Variants in HTR4 observed in about 807,000 individuals in gnomAD.
HTR4 encodes the protein 5-hydroxytryptamine receptor 4.
In HTR4, 16 loss-of-function variants were observed where a neutral mutation model predicts 36.8. The ratio of observed to expected loss-of-function variants is 0.43; its 90% CI spans 0.29 to 0.66. HTR4 has a LOEUF of 0.66. Among genes scored for constraint, HTR4 ranks in the 30% least tolerant of loss-of-function variants. HTR4 has a pLI of 0.13. For missense variants in HTR4, 438 were observed against 490.9 expected (o/e 0.89, Z 1.02); for synonymous variants, 189 against 185.1 (o/e 1.02, Z -0.17).
chr5:148,653,272 G>A (rs2095477031), intron 1 of HTR4, among the ~76,000 whole-genome samples: 1 of 152,160 alleles, frequency 6.6e-6, no homozygotes, highest in African/African-American at 2.4e-5. Context: ...TGGACCAAAT[G>A]GAAATCAAGC....
intron 6 of HTR4, chr5:148,484,319 C>G (rs757383708): frequency 1.9e-6 from 3 of 1,613,056 alleles, no homozygotes; most frequent in Non-Finnish European, 1.7e-6. Flanking sequence ...AGAATGGACC[C>G]GCTCTGGCAG....
chr5:148,597,245 C>T (rs904106131), intron 2 of HTR4, among the ~76,000 whole-genome samples: 1 of 152,148 alleles, frequency 6.6e-6, no homozygotes, highest in Non-Finnish European at 1.5e-5. Context: ...ACATGAACCT[C>T]TTATGTATAG....
At chr5:148,570,779 G>A (rs1760642677) in intron 2 of HTR4, among the ~76,000 whole-genome samples, 1 of 152,034 alleles carries the variant, frequency 6.6e-6, no homozygotes, top group African/African-American at 2.4e-5. Flanking sequence ...TGACCTATCT[G>A]GTGTATAAAA....
In HTR4 at chr5:148,509,819, C is replaced by T; in HGVS notation, c.713G>A (p.Ser238Asn). The T allele has an allele frequency of 6.2e-7, 1 of 1,614,008 alleles. No homozygotes were observed. Residue 238 changes from serine (S) to asparagine (N), a missense_variant, in exon 6 of 7, where the codon AGC becomes AAC. By Grantham distance (46) the Ser-to-Asn change is conservative (BLOSUM62 1). Transcript: ENST00000377888. ...MLQRAGASSE[S>N]RPQSADQHST... ...ATGCTGGTCTGCCGACTGAGGCCTG[C>T]TCTCGGAGGAGGCTCCTGCCCGTTG...
chr5:148,616,662 A>G (rs1752703007), intron 2 of HTR4, among the ~76,000 whole-genome samples: 1 of 152,230 alleles, frequency 6.6e-6, no homozygotes, highest in Non-Finnish European at 1.5e-5. Flanking sequence ...GAACATTAGT[A>G]TCTGTGTTCA....
intron 4 of HTR4, among the ~76,000 whole-genome samples, chr5:148,526,774 C>T (rs1758297179): frequency 6.6e-6 from 1 of 151,950 alleles, no homozygotes; most frequent in Admixed American, 6.6e-5. Flanking sequence ...AAGCCAGGCA[C>T]AGAAGGACAA....
chr5:148,634,075 A>G (rs1431773580), intron 2 of HTR4, among the ~76,000 whole-genome samples: 1 of 152,212 alleles, frequency 6.6e-6, no homozygotes, highest in Non-Finnish European at 1.5e-5. Flanking sequence ...GTATGGCCGG[A>G]CAAAACACTT....
intron 2 of HTR4, among the ~76,000 whole-genome samples, chr5:148,621,359 C>T (rs1012845261): frequency 2.0e-5 from 3 of 152,208 alleles, no homozygotes; most frequent in Non-Finnish European, 2.9e-5. Context: ...GGATTCTACT[C>T]TCTTAGCTGT....
intron 1 of HTR4, among the ~76,000 whole-genome samples, chr5:148,638,626 G>A (rs1006613186): frequency 5.3e-5 from 8 of 151,962 alleles, no homozygotes; most frequent in African/African-American, 1.7e-4. Context: ...TCTCATCTCC[G>A]ACACAAAAAC....
Position 148,515,149 on chromosome 5 carries a change from C to T in HTR4, c.508-5125G>A, listed in dbSNP as rs574971538. Among the ~76,000 whole-genome samples, 3 of 152,154 alleles carry T rather than the reference C, an allele frequency of 2.0e-5. No homozygotes were observed. The South Asian group carries it at 6.2e-4, about 32-fold the overall frequency. ...TCAGAATAATACCTGTTTGTATTAACACATTACCTCTCTCCCTATTAGCTT... is the reference window on the plus strand; with the variant it reads ...TCAGAATAATACCTGTTTGTATTAATACATTACCTCTCTCCCTATTAGCTT... On this transcript the variant is annotated intron_variant, in intron 5 of 6. Coordinates refer to ENST00000377888, the MANE Select transcript of HTR4 (RefSeq NM_000870.7).
At chr5:148,651,958 T>A (rs1246596842) in intron 1 of HTR4, among the ~76,000 whole-genome samples, 1 of 152,038 alleles carries the variant, frequency 6.6e-6, no homozygotes, top group Non-Finnish European at 1.5e-5. Context: ...GCTGAAATCA[T>A]TCATCACATT....
intron 2 of HTR4, among the ~76,000 whole-genome samples, chr5:148,596,479 C>G (rs1027835006): frequency 1.3e-5 from 2 of 152,160 alleles, no homozygotes; most frequent in African/African-American, 4.8e-5. Flanking sequence ...TCCCCCCATT[C>G]CCGTTGTCTC....
intron 6 of HTR4, among the ~76,000 whole-genome samples, chr5:148,496,548 C>A (rs781440923): frequency 1.3e-5 from 2 of 152,134 alleles, no homozygotes; most frequent in Non-Finnish European, 2.9e-5. Context: ...GCTGTCCTAA[C>A]GTAAAAGATG....
Position 148,559,087 on chromosome 5 carries a change from C to T in HTR4, c.27-8825G>A, listed in dbSNP as rs554072019. Among the ~76,000 whole-genome samples, 45 of 152,290 alleles carry T rather than the reference C, an allele frequency of 3.0e-4. 1 individual carries two copies. The highest frequency in any genetic ancestry group is 1.1e-3 in the African/African-American group (44 of 41,564). On this transcript the variant is annotated intron_variant, in intron 2 of 6. Transcript: ENST00000377888. Reference sequence around the variant, plus strand: ...TCTGGCAGCAGACTACTCTGTAGAGCGTAGGTTGTTTACCTTCGTGATCAC... The same window carrying T: ...TCTGGCAGCAGACTACTCTGTAGAGTGTAGGTTGTTTACCTTCGTGATCAC...
intron 2 of HTR4, among the ~76,000 whole-genome samples, chr5:148,591,588 G>T (rs1761573896): frequency 1.3e-5 from 2 of 151,928 alleles, no homozygotes; most frequent in East Asian, 1.9e-4. Flanking sequence ...TATTCTTTTT[G>T]TGGCAGTTGT....
intron 2 of HTR4, among the ~76,000 whole-genome samples, chr5:148,591,099 T>G (rs1451203597): frequency 2.6e-5 from 4 of 152,212 alleles, no homozygotes. Context: ...TTTTACCCAT[T>G]GCTTGTTTTT....
At chr5:148,463,345 T>G (rs1027559766) in intron 5 of HTR4, among the ~76,000 whole-genome samples, 12 of 135,380 alleles carry the variant, frequency 8.9e-5, no homozygotes, top group African/African-American at 3.2e-4. Context: ...GCTATTTTTG[T>G]TTTTTTTTGT....
chr5:148,566,900 T>C (rs543182272), intron 2 of HTR4, among the ~76,000 whole-genome samples: 4 of 152,260 alleles, frequency 2.6e-5, no homozygotes. Context: ...TTCATTTTTT[T>C]TTTTACTTTT....
intron 4 of HTR4, among the ~76,000 whole-genome samples, chr5:148,529,498 A>G (rs963258946): frequency 6.6e-6 from 1 of 152,224 alleles, no homozygotes; most frequent in East Asian, 1.9e-4. Flanking sequence ...CATGTGAGAC[A>G]TGGCTTTCGC....
Sources: gnomAD v4.1 joint callset for allele counts (sites outside exome capture counted in the v4.1 genomes callset) on GRCh38, gnomAD v4.1.1 for gene constraint, MANE v1.5 for transcripts, NCBI Gene and HGNC (gene_info 2026-07-23, HGNC 2026-07-21) for gene names.